SOX5: variants seen among roughly 807,000 people sequenced by gnomAD.
SOX5 encodes the protein transcription factor SOX-5.
SOX5 carries 9 observed loss-of-function variants against 92.0 expected under a neutral mutation model. The observed-to-expected ratio is 0.10, with a 90% CI of 0.06 to 0.17. SOX5 has a LOEUF of 0.17. SOX5 is among the 10% of genes least tolerant of loss of function. SOX5 has a pLI of 1.00. For synonymous variants in SOX5, 344 were observed against 336.3 expected (o/e 1.02, Z -0.25); for missense variants, 642 against 944.5 (o/e 0.68, Z 4.20).
At chr12:23,570,924 AAAAAAAATATATATAT>A (rs1948140674) in intron 10 of SOX5, among the ~76,000 whole-genome samples, 5 of 42,556 alleles carry the variant, frequency 1.2e-4, no homozygotes, top group African/African-American at 4.9e-4. Flanking sequence ...AAAAAAAAAA[AAAAAAAATATATATAT>A]ATATATATAT....
intron 3 of SOX5, among the ~76,000 whole-genome samples, chr12:23,758,838 G>A (rs1460762471): frequency 2.0e-5 from 3 of 151,950 alleles, no homozygotes; most frequent in African/African-American, 7.2e-5. Context: ...TCTGTCTCTC[G>A]TGTGTGCACT....
chr12:23,552,656 G>T (rs1249168919), intron 11 of SOX5, among the ~76,000 whole-genome samples: 3 of 151,930 alleles, frequency 2.0e-5, no homozygotes, highest in Admixed American at 2.0e-4. Flanking sequence ...AAGATTGTAA[G>T]TTATCAGGTG....
intron 4 of SOX5, among the ~76,000 whole-genome samples, chr12:24,038,091 T>C (rs1289830903): frequency 2.6e-5 from 4 of 152,202 alleles, no homozygotes; most frequent in Admixed American, 2.6e-4. Context: ...AATTATCCTC[T>C]ATAAATCGTA....
chr12:24,287,542 G>A (rs1018040728), intron 2 of SOX5, among the ~76,000 whole-genome samples: 89 of 149,038 alleles, frequency 6.0e-4, no homozygotes, highest in African/African-American at 2.1e-3. Flanking sequence ...ACACAGAAGC[G>A]CGAGCTCAGC....
chr12:23,729,796 T>A (rs928939814), intron 6 of SOX5, among the ~76,000 whole-genome samples: 1 of 152,200 alleles, frequency 6.6e-6, no homozygotes, highest in Admixed American at 6.6e-5. Context: ...AAAAAGTATC[T>A]TAAGTAGATT....
intron 1 of SOX5, among the ~76,000 whole-genome samples, chr12:24,437,289 C>A (rs1344888649): frequency 6.6e-6 from 1 of 152,014 alleles, no homozygotes; most frequent in Non-Finnish European, 1.5e-5. Context: ...TGAAACTGGA[C>A]CCCTCCCTCA....
chr12:24,284,599 C>T (rs1318100750), intron 2 of SOX5, among the ~76,000 whole-genome samples: 2 of 152,170 alleles, frequency 1.3e-5, no homozygotes, highest in Admixed American at 6.5e-5. Flanking sequence ...GTTTCTCCCT[C>T]GTCTTTCCTG....
intron 4 of SOX5, among the ~76,000 whole-genome samples, chr12:24,109,234 A>G (rs572262461): frequency 2.0e-4 from 31 of 152,124 alleles, no homozygotes; most frequent in Non-Finnish European, 4.0e-4. Context: ...GCTTTAACAA[A>G]TCTAACTGGA....
At position 23,532,978 on chromosome 12, in the gene SOX5, G is replaced by A. The variant is rs557501838; in HGVS notation, c.*1241C>T. On this transcript the variant is annotated 3_prime_UTR_variant, in exon 15 of 15. Transcript: ENST00000451604. The stretch of plus-strand genomic sequence containing the variant: ...TGGAACCAACTGACCAGGGAGAAAG[G>A]ACATCTGGGAGCAGTTTGCTAGTAG... 4.4e-4 allele frequency: 79 copies of A among 180,988 alleles called. 1 individual carries two copies. The South Asian group carries it at 7.9e-3, about 18-fold the overall frequency. The allele number at this position is 180,988 out of a possible 1,614,324, so 11.2% of individuals were successfully genotyped here.
intron 1 of SOX5, among the ~76,000 whole-genome samples, chr12:23,943,530 A>T (rs1569172181): frequency 6.6e-6 from 1 of 152,226 alleles, no homozygotes; most frequent in East Asian, 1.9e-4. Context: ...CTGCTGTACC[A>T]CCTTCACTAA....
intron 6 of SOX5, among the ~76,000 whole-genome samples, chr12:23,686,247 T>C (rs970935701): frequency 3.9e-5 from 6 of 152,148 alleles, no homozygotes; most frequent in East Asian, 1.9e-4. Flanking sequence ...AAATTCAGAA[T>C]GAAAAAAAAT....
intron 4 of SOX5, among the ~76,000 whole-genome samples, chr12:24,198,303 T>G (rs956703046): frequency 4.6e-5 from 7 of 152,166 alleles, no homozygotes; most frequent in African/African-American, 7.2e-5. Flanking sequence ...AGCATTCTTT[T>G]CCACTTGGAT....
At chr12:24,182,776 C>G in intron 4 of SOX5, among the ~76,000 whole-genome samples, 1 of 152,250 alleles carries the variant, frequency 6.6e-6, no homozygotes, top group Middle Eastern at 3.4e-3. Context: ...TGCAGTGGCA[C>G]GACCTCAGCT....
intron 1 of SOX5, among the ~76,000 whole-genome samples, chr12:23,937,979 T>C (rs1381768625): frequency 6.6e-6 from 1 of 150,854 alleles, no homozygotes; most frequent in African/African-American, 2.4e-5. Context: ...GCTTTTTTTT[T>C]TCCCCAACTG....
At chr12:24,561,739 G>A (rs1954369301) in intron 1 of SOX5, among the ~76,000 whole-genome samples, 1 of 151,388 alleles carries the variant, frequency 6.6e-6, no homozygotes, top group African/African-American at 2.4e-5. Context: ...GAGGGGGAGT[G>A]GTAGGGAGAA....
chr12:23,703,946 T>C (rs1417727872), intron 6 of SOX5, among the ~76,000 whole-genome samples: 2 of 152,004 alleles, frequency 1.3e-5, no homozygotes, highest in East Asian at 3.9e-4. Context: ...TAGATACTCC[T>C]GCATTCTCAG....
intron 3 of SOX5, among the ~76,000 whole-genome samples, chr12:23,801,943 A>C (rs1324660823): frequency 6.6e-6 from 1 of 152,234 alleles, no homozygotes; most frequent in East Asian, 1.9e-4. Context: ...GTCCTTCAGA[A>C]TTTACATATC....
At chr12:24,248,678 C>T (rs895193404) in intron 3 of SOX5, among the ~76,000 whole-genome samples, 1 of 152,168 alleles carries the variant, frequency 6.6e-6, no homozygotes, top group African/African-American at 2.4e-5. Flanking sequence ...AGTCACTGCG[C>T]CTGGCCCTTC....
chr12:23,862,014 T>G (rs764315418), intron 2 of SOX5, among the ~76,000 whole-genome samples: 140 of 152,346 alleles, frequency 9.2e-4, no homozygotes, highest in Admixed American at 2.0e-3. Context: ...ATTTCCCTTC[T>G]ATTCCCTTGG....
Sources: allele counts gnomAD v4.1 joint callset (sites outside exome capture counted in the v4.1 genomes callset), GRCh38; gene constraint gnomAD v4.1.1; transcripts MANE v1.5; gene names NCBI Gene and HGNC (gene_info 2026-07-23, HGNC 2026-07-21).